Variants in HMGXB4 observed in about 807,000 individuals in gnomAD.
HMGXB4 encodes HMG-box containing 4, also known as HMG domain-containing protein 4.
HMGXB4 carries 27 observed loss-of-function variants against 63.9 expected under a neutral mutation model. The observed-to-expected ratio is 0.42, with a 90% confidence interval of 0.31 to 0.58. The LOEUF is 0.58. Among genes scored for constraint, HMGXB4 ranks in the 20% least tolerant of loss-of-function variants. The probability of loss-of-function intolerance (pLI) is 0.13; values close to 1 mark genes in which losing one functional copy is unlikely to be tolerated. For missense variants in HMGXB4, 624 were observed against 700.7 expected (o/e 0.89, Z 1.24); for synonymous variants, 264 against 265.3 (o/e 0.99, Z 0.05).
chr22:35,245,328 TA>T, the HMGXB4 span, among the ~76,000 whole-genome samples: 2 of 100,748 alleles, frequency 2.0e-5, no homozygotes, highest in East Asian at 7.6e-4. Flanking sequence ...TGAAACTTTC[TA>T]TTTTTTTTTT....
At chr22:35,258,537 C>T (rs1601621176) in intron 1 of HMGXB4, 1 of 152,162 alleles carries the variant, frequency 6.6e-6, no homozygotes, top group Non-Finnish European at 1.5e-5. Flanking sequence ...GGATTCAATC[C>T]CCATCCCCGA....
upstream of HMGXB4, among the ~76,000 whole-genome samples, chr22:35,255,293 C>G (rs1281651612): frequency 2.0e-5 from 3 of 151,824 alleles, no homozygotes; most frequent in Admixed American, 1.3e-4. Context: ...AGTCCAGGAG[C>G]TTGAGACCAG....
upstream of HMGXB4, among the ~76,000 whole-genome samples, chr22:35,256,165 T>C (rs1922391749): frequency 6.6e-6 from 1 of 152,214 alleles, no homozygotes; most frequent in South Asian, 2.1e-4. Flanking sequence ...ATCTGATCAC[T>C]GATTAGAGTG....
chr22:35,274,747 G>A (rs1194194575), intron 5 of HMGXB4, among the ~76,000 whole-genome samples: 1 of 152,230 alleles, frequency 6.6e-6, no homozygotes, highest in African/African-American at 2.4e-5. Context: ...GATAGCAGAA[G>A]TATAGAGTAC....
chr22:35,274,141 T>C (rs1307481629), intron 5 of HMGXB4, among the ~76,000 whole-genome samples: 1 of 152,172 alleles, frequency 6.6e-6, no homozygotes, highest in African/African-American at 2.4e-5. Context: ...AGCAGAGGCA[T>C]GGGCGCGGAG....
At chr22:35,242,530 GCTCTCTCT>G in the HMGXB4 span, among the ~76,000 whole-genome samples, 2 of 145,974 alleles carry the variant, frequency 1.4e-5, no homozygotes, top group Non-Finnish European at 3.0e-5. Flanking sequence ...ATAGTAATCT[GCTCTCTCT>G]CTCTCTCTCT....
chr22:35,293,148 A>G (rs760902328), intron 10 of HMGXB4, 34 bp downstream of exon 10: 2 of 1,613,804 alleles, frequency 1.2e-6, no homozygotes, highest in East Asian at 2.2e-5. Flanking sequence ...AGTCAGATCC[A>G]TTGGGCGTCA....
chr22:35,270,927 T>A (rs926496704), intron 5 of HMGXB4, among the ~76,000 whole-genome samples: 1 of 152,166 alleles, frequency 6.6e-6, no homozygotes, highest in Non-Finnish European at 1.5e-5. Context: ...TTTAAAAATA[T>A]ATTTTCCTGG....
upstream of HMGXB4, among the ~76,000 whole-genome samples, chr22:35,256,078 C>T (rs1422350553): frequency 6.6e-6 from 1 of 152,234 alleles, no homozygotes; most frequent in Non-Finnish European, 1.5e-5. Flanking sequence ...ATCTTCTACT[C>T]AGTGCAGAGG....
chr22:35,267,385 C>T (rs548331505), intron 5 of HMGXB4, among the ~76,000 whole-genome samples: 14 of 152,204 alleles, frequency 9.2e-5, no homozygotes, highest in East Asian at 5.8e-4. Flanking sequence ...AGTCTAGTGA[C>T]GTGATAATGC....
chr22:35,293,017 T>C lies in HMGXB4; in HGVS notation c.1664T>C (p.Leu555Ser). The change falls in exon 10 of 11, where the codon TTG becomes TCG. Residue 555 changes from leucine (L) to serine (S), a missense_variant. Coordinates refer to ENST00000216106, the MANE Select transcript of HMGXB4 (RefSeq NM_001003681.3). ...TEGMVAVSGS[L>S]SVLLDSIICA... The stretch of plus-strand genomic sequence containing the variant: ...GGTATGGTGGCTGTGTCTGGCAGTT[T>C]GTCAGTGCTTCTGGATTCCATTATC... 1 of 1,614,260 alleles carries C rather than the reference T, an allele frequency of 6.2e-7. No individual in the cohort carries two copies.
In HMGXB4 at chr22:35,284,889, A is replaced by C. The variant is rs1283884969; in HGVS notation, c.1297+846A>C. 2.0e-5 allele frequency among the ~76,000 whole-genome samples: 3 copies of C among 152,306 alleles called. No individual in the cohort carries two copies. In the East Asian group the frequency reaches 5.8e-4, roughly 29 times the overall value. On this transcript the variant is annotated intron_variant, in intron 6 of 10. Coordinates refer to ENST00000216106, the MANE Select transcript of HMGXB4 (RefSeq NM_001003681.3). ...ATCGCTGCCCTACCAACTCCAAAAGACTGCAGTGTTAGGCACACATGAATA... is the reference window on the plus strand; with the variant it reads ...ATCGCTGCCCTACCAACTCCAAAAGCCTGCAGTGTTAGGCACACATGAATA...
chr22:35,292,324 C>T (rs1227962347), intron 9 of HMGXB4, among the ~76,000 whole-genome samples: 2 of 152,068 alleles, frequency 1.3e-5, no homozygotes, highest in East Asian at 3.9e-4. Flanking sequence ...GGATCTGGAC[C>T]CGGGCAGTCT....
At chr22:35,263,748 G>C in intron 3 of HMGXB4, 48 bp from the exon 4 acceptor site, 1 of 1,300,690 alleles carries the variant, frequency 7.7e-7, no homozygotes, top group Admixed American at 1.7e-5. Context: ...GTTACAAACT[G>C]CATTTGCCTC....
chr22:35,280,211 G>T (rs1924160768), intron 5 of HMGXB4, among the ~76,000 whole-genome samples: 1 of 152,108 alleles, frequency 6.6e-6, no homozygotes, highest in Non-Finnish European at 1.5e-5. Flanking sequence ...CAGGAGCAGG[G>T]GTCTTGGGGG....
At chr22:35,264,055 G>C (rs1923037439) in intron 4 of HMGXB4, 181 bp downstream of exon 4, 1 of 1,545,602 alleles carries the variant, frequency 6.5e-7, no homozygotes, top group South Asian at 1.2e-5. Flanking sequence ...GTATTTTGGA[G>C]GATTCAGCAT....
intron 7 of HMGXB4, 47 bp downstream of exon 7, chr22:35,286,108 C>G (rs948809874): frequency 6.1e-6 from 8 of 1,312,358 alleles, no homozygotes; most frequent in Non-Finnish European, 1.1e-6. Context: ...TTCTCGCCTT[C>G]CAAAATATGT....
chr22:35,291,168 C>T (rs1924911017), intron 9 of HMGXB4, among the ~76,000 whole-genome samples: 1 of 152,132 alleles, frequency 6.6e-6, no homozygotes, highest in Non-Finnish European at 1.5e-5. Context: ...GGGGCTAAGG[C>T]AGGAGAATCG....
chr22:35,266,085 G>A (rs574816753), intron 5 of HMGXB4, among the ~76,000 whole-genome samples: 10 of 151,960 alleles, frequency 6.6e-5, no homozygotes, highest in East Asian at 5.8e-4. Flanking sequence ...CACCATGCCC[G>A]GCCTAGGGTT....
Sources: gnomAD v4.1 joint callset for allele counts (sites outside exome capture counted in the v4.1 genomes callset) on GRCh38, gnomAD v4.1.1 for gene constraint, MANE v1.5 for transcripts, NCBI Gene and HGNC (gene_info 2026-07-23, HGNC 2026-07-21) for gene names.